Variants in SPAG16 observed in about 807,000 individuals in gnomAD.
SPAG16 encodes the protein sperm-associated antigen 16 protein.
Under a neutral mutation model 80.4 loss-of-function variants are expected in SPAG16, and 86 were observed. That is an observed-to-expected ratio of 1.07 (90% CI 0.90 to 1.28). The LOEUF is 1.28. Among genes scored for constraint, SPAG16 ranks in the 50% most tolerant of loss-of-function variants. The probability of loss-of-function intolerance (pLI) is 0.00; values close to 1 mark genes in which losing one functional copy is unlikely to be tolerated. For synonymous variants in SPAG16, 294 were observed against 265.9 expected (o/e 1.11, Z -1.03); for missense variants, 870 against 765.3 (o/e 1.14, Z -1.61).
chr2:213,926,768 A>G lies in SPAG16; in HGVS notation c.1215-3192A>G, dbSNP rs185461377. Reference sequence around the variant, plus strand: ...ACTAGTGTCCTTCAGGGTATTTGTTAATTTTATTAGCTCATCCTCAGTCAT... The same window carrying G: ...ACTAGTGTCCTTCAGGGTATTTGTTGATTTTATTAGCTCATCCTCAGTCAT... On this transcript the variant is annotated intron_variant, in intron 11 of 15. Coordinates refer to ENST00000331683, the MANE Select transcript of SPAG16 (RefSeq NM_024532.5). Among the ~76,000 whole-genome samples the G allele has an allele frequency of 8.7e-4, 132 of 152,240 alleles. No homozygotes were observed. In the East Asian group the frequency reaches 0.023, roughly 26 times the overall value.
intron 15 of SPAG16, among the ~76,000 whole-genome samples, chr2:214,153,238 C>T (rs2056063700): frequency 6.6e-6 from 1 of 152,088 alleles, no homozygotes. Context: ...CTCTGGTGGC[C>T]CTGTCCAGGC....
intron 10 of SPAG16, among the ~76,000 whole-genome samples, chr2:213,596,624 A>G (rs1282347834): frequency 6.6e-6 from 1 of 152,178 alleles, no homozygotes; most frequent in Non-Finnish European, 1.5e-5. Flanking sequence ...TGGGGAAATT[A>G]TAGTAAATTA....
intron 15 of SPAG16, chr2:214,238,257 A>G: frequency 3.2e-6 from 1 of 316,784 alleles, no homozygotes; most frequent in Middle Eastern, 4.0e-4. Flanking sequence ...ATGATGAGAT[A>G]TTTTATGCCT....
chr2:213,516,064 C>T (rs1349685180), intron 10 of SPAG16, among the ~76,000 whole-genome samples: 1 of 152,084 alleles, frequency 6.6e-6, no homozygotes, highest in Admixed American at 6.5e-5. Context: ...TTAAGTGATG[C>T]CTATAAAGCC....
At chr2:213,307,470 C>A (rs1192904672) in intron 3 of SPAG16, among the ~76,000 whole-genome samples, 1 of 142,272 alleles carries the variant, frequency 7.0e-6, no homozygotes, top group Non-Finnish European at 1.5e-5. Flanking sequence ...GTTTTTTGTT[C>A]TTGCGATAGT....
chr2:213,290,915 C>T (rs2062242848), intron 1 of SPAG16, among the ~76,000 whole-genome samples: 2 of 152,228 alleles, frequency 1.3e-5, no homozygotes, highest in South Asian at 2.1e-4. Context: ...TTTACCGTCC[C>T]AAGGGCCAAG....
At chr2:213,908,494 C>A (rs1481073426) in intron 11 of SPAG16, among the ~76,000 whole-genome samples, 1 of 152,160 alleles carries the variant, frequency 6.6e-6, no homozygotes, top group East Asian at 1.9e-4. Context: ...GGTTCAGTCT[C>A]CCTCTGTGAT....
In SPAG16 at chr2:214,103,835, G is replaced by T. The variant is rs184178453; in HGVS notation, c.1528-4361G>T. ...GGGTGAGAACCGGGTGTACCTTGTG[G>T]GTACAGAAGGAAAGGGGTTATGTAC... On this transcript the variant is annotated intron_variant, in intron 13 of 15. Transcript: ENST00000331683. Among the ~76,000 whole-genome samples, 303 of 152,148 alleles carry T rather than the reference G, an allele frequency of 2.0e-3. 1 individual carries two copies. Among genetic ancestry groups the T allele is most frequent in the African/African-American group, 7.1e-3 (294 of 41,518 alleles).
intron 10 of SPAG16, among the ~76,000 whole-genome samples, chr2:213,739,218 A>C (rs1405030742): frequency 6.6e-6 from 1 of 152,186 alleles, no homozygotes; most frequent in Admixed American, 6.5e-5. Context: ...CAGTAGGATA[A>C]TGTGGTTTGG....
intron 9 of SPAG16, among the ~76,000 whole-genome samples, chr2:213,430,921 A>G (rs573621230): frequency 3.9e-5 from 6 of 152,222 alleles, no homozygotes; most frequent in African/African-American, 9.6e-5. Flanking sequence ...ATTGGATCCT[A>G]TTTTCAAAGT....
At chr2:214,351,719 C>A (rs56318609) in intron 15 of SPAG16, among the ~76,000 whole-genome samples, 95,832 of 148,166 alleles carry the variant, frequency 0.65, 35,693 homozygotes, top group South Asian at 0.85. Context: ...AACAAACAAA[C>A]AAAAAAAACA....
At chr2:213,322,095 TAA>T (rs558587900) in intron 5 of SPAG16, among the ~76,000 whole-genome samples, 19 of 147,694 alleles carry the variant, frequency 1.3e-4, no homozygotes, top group African/African-American at 4.5e-4. Context: ...AATAAATAAA[TAA>T]AAAAAAGTAA....
chr2:214,342,172 T>C (rs1697748257), intron 15 of SPAG16, among the ~76,000 whole-genome samples: 1 of 152,230 alleles, frequency 6.6e-6, no homozygotes, highest in African/African-American at 2.4e-5. Context: ...TATTTGACTT[T>C]AATTCCAGGA....
intron 10 of SPAG16, among the ~76,000 whole-genome samples, chr2:213,714,343 G>C (rs1425499240): frequency 6.6e-6 from 1 of 152,190 alleles, no homozygotes; most frequent in Non-Finnish European, 1.5e-5. Flanking sequence ...GTCACATTCA[G>C]AAATTGCTGA....
chr2:213,925,788 T>C (rs1048208485), intron 11 of SPAG16, among the ~76,000 whole-genome samples: 2 of 152,262 alleles, frequency 1.3e-5, no homozygotes, highest in Non-Finnish European at 2.9e-5. Context: ...TGTAGTCATC[T>C]TATGAGTCAT....
At chr2:213,976,689 A>G (rs2045427946) in intron 12 of SPAG16, among the ~76,000 whole-genome samples, 1 of 152,040 alleles carries the variant, frequency 6.6e-6, no homozygotes, top group African/African-American at 2.4e-5. Context: ...GGCCCATATG[A>G]AAGGCTTGAA....
chr2:214,283,093 T>C (rs1161256631), intron 15 of SPAG16, among the ~76,000 whole-genome samples: 1 of 151,978 alleles, frequency 6.6e-6, no homozygotes, highest in African/African-American at 2.4e-5. Flanking sequence ...AGCAAACACA[T>C]AAAAGTATAT....
chr2:213,459,023 C>G (rs573942702), intron 9 of SPAG16, among the ~76,000 whole-genome samples: 6 of 152,168 alleles, frequency 3.9e-5, no homozygotes, highest in African/African-American at 7.2e-5. Flanking sequence ...CATTTTCTCT[C>G]TTTTCCAACC....
At chr2:213,986,605 T>G (rs2046016665) in intron 12 of SPAG16, among the ~76,000 whole-genome samples, 1 of 151,928 alleles carries the variant, frequency 6.6e-6, no homozygotes, top group South Asian at 2.1e-4. Flanking sequence ...AAAGAAACAA[T>G]TAAAATGATT....
Sources: gnomAD v4.1 joint callset for allele counts (sites outside exome capture counted in the v4.1 genomes callset) on GRCh38, gnomAD v4.1.1 for gene constraint, MANE v1.5 for transcripts, NCBI Gene and HGNC (gene_info 2026-07-23, HGNC 2026-07-21) for gene names.